Variants in CAST observed in about 807,000 individuals in gnomAD.
The protein encoded by CAST is MIR583 host.
Under a neutral mutation model 119.6 loss-of-function variants are expected in CAST, and 76 were observed. The ratio of observed to expected loss-of-function variants is 0.64; its 90% CI spans 0.53 to 0.77. The LOEUF is 0.77. Ranked by LOEUF, CAST falls within the 30% of genes least tolerant of loss-of-function variation. The pLI is 0.00. For synonymous variants in CAST, 319 were observed against 331.6 expected, an observed-to-expected ratio of 0.96 and a Z score of 0.41; for missense variants, 953 against 946.5, an observed-to-expected ratio of 1.01 and a Z score of -0.09.
chr5:96,393,193 A>C, the CAST span: 3 of 1,613,998 alleles, frequency 1.9e-6, no homozygotes, highest in African/African-American at 4.0e-5. Context: ...TGAGCTTTGC[A>C]CTTGGGGACT....
the CAST span, among the ~76,000 whole-genome samples, chr5:96,159,357 C>A: frequency 6.6e-6 from 1 of 152,150 alleles, no homozygotes; most frequent in East Asian, 1.9e-4. Context: ...GGTGACTCTC[C>A]TTAAAATGCT....
chr5:96,014,632 C>T, the CAST span, among the ~76,000 whole-genome samples: 1 of 152,064 alleles, frequency 6.6e-6, no homozygotes, highest in Non-Finnish European at 1.5e-5. Flanking sequence ...AGGAATTTTT[C>T]AACTTCATTA....
At chr5:96,078,915 A>T in the CAST span, among the ~76,000 whole-genome samples, 1 of 152,216 alleles carries the variant, frequency 6.6e-6, no homozygotes, top group African/African-American at 2.4e-5. Flanking sequence ...GAGGGAAACA[A>T]CACATACTGG....
chr5:96,459,900 C>T, the CAST span, among the ~76,000 whole-genome samples: 5 of 152,132 alleles, frequency 3.3e-5, no homozygotes, highest in Admixed American at 6.5e-5. Flanking sequence ...ATCTTCTGTA[C>T]AAACAGACGT....
At chr5:96,027,524 G>T in the CAST span, among the ~76,000 whole-genome samples, 1 of 151,734 alleles carries the variant, frequency 6.6e-6, no homozygotes, top group African/African-American at 2.4e-5. Context: ...TCAAAGATTG[G>T]AAAAAAACAG....
At chr5:96,744,669 T>A (rs1029095146) in intron 16 of CAST, among the ~76,000 whole-genome samples, 8 of 152,158 alleles carry the variant, frequency 5.3e-5, no homozygotes, top group Non-Finnish European at 1.0e-4. Flanking sequence ...TAACCTGAAT[T>A]CTTAGTACCC....
the CAST span, among the ~76,000 whole-genome samples, chr5:96,064,519 A>T: frequency 6.6e-6 from 1 of 152,172 alleles, no homozygotes; most frequent in Non-Finnish European, 1.5e-5. Flanking sequence ...TTTCATTTAA[A>T]TTGATAATTA....
the CAST span, among the ~76,000 whole-genome samples, chr5:96,237,147 C>T: frequency 6.6e-6 from 1 of 152,102 alleles, no homozygotes; most frequent in Non-Finnish European, 1.5e-5. Context: ...TAACAGAAAC[C>T]AAAATGGATT....
upstream of CAST, chr5:96,529,753 CGA>C (rs576767238): frequency 2.6e-5 from 11 of 428,026 alleles, no homozygotes; most frequent in Non-Finnish European, 4.6e-5. Flanking sequence ...TCAGTTCTCA[CGA>C]GATATAATGG....
the CAST span, among the ~76,000 whole-genome samples, chr5:96,357,221 G>A: frequency 6.6e-6 from 1 of 152,208 alleles, no homozygotes; most frequent in Non-Finnish European, 1.5e-5. Flanking sequence ...TCAGCGTAAG[G>A]AGATTTGGGG....
intron 9 of CAST, among the ~76,000 whole-genome samples, chr5:96,732,553 G>C (rs1016960908): frequency 6.7e-6 from 1 of 149,002 alleles, no homozygotes; most frequent in Non-Finnish European, 1.5e-5. Flanking sequence ...ATTGCTTTTG[G>C]TGTTTTGGAC....
chr5:96,209,727 T>G, the CAST span, among the ~76,000 whole-genome samples: 3 of 145,196 alleles, frequency 2.1e-5, no homozygotes, highest in Non-Finnish European at 3.0e-5. Context: ...AATTTCCCTT[T>G]GTAGGTGACC....
At chr5:96,267,002 C>T in the CAST span, among the ~76,000 whole-genome samples, 4 of 152,062 alleles carry the variant, frequency 2.6e-5, no homozygotes, top group Admixed American at 6.6e-5. Flanking sequence ...ACAGAGATAT[C>T]AGAACTGAGA....
the CAST span, among the ~76,000 whole-genome samples, chr5:96,469,638 G>A: frequency 2.6e-5 from 4 of 151,844 alleles, no homozygotes; most frequent in Admixed American, 6.6e-5. Flanking sequence ...TGCATTGAAA[G>A]AGAACTGTCA....
the CAST span, among the ~76,000 whole-genome samples, chr5:96,058,647 G>A: frequency 5.3e-5 from 8 of 152,032 alleles, no homozygotes; most frequent in African/African-American, 1.4e-4. Flanking sequence ...AATGGTTAAC[G>A]CTTTCACTGG....
the CAST span, among the ~76,000 whole-genome samples, chr5:96,076,961 A>G: frequency 6.6e-6 from 1 of 150,976 alleles, no homozygotes; most frequent in Non-Finnish European, 1.5e-5. Flanking sequence ...TAGATTTTAT[A>G]ATATTTATAA....
At chr5:96,754,038 A>G (rs765553479) in intron 20 of CAST, 22 bp from the exon 21 acceptor site, 5 of 1,418,856 alleles carry the variant, frequency 3.5e-6, no homozygotes, top group African/African-American at 1.4e-5. Context: ...CCTACTTAAT[A>G]TATCCACTAA....
intron 24 of CAST, chr5:96,761,749 TACC>T (rs1561604251): frequency 6.5e-6 from 1 of 153,784 alleles, no homozygotes; most frequent in Non-Finnish European, 1.5e-5. Context: ...TGACACCGTA[TACC>T]ACAATATACA....
At chr5:96,518,383 T>C in the CAST span, among the ~76,000 whole-genome samples, 1 of 152,212 alleles carries the variant, frequency 6.6e-6, no homozygotes, top group Non-Finnish European at 1.5e-5. Flanking sequence ...ATGGGATATC[T>C]GGGAGGGTGA....
Sources: allele counts gnomAD v4.1 joint callset (sites outside exome capture counted in the v4.1 genomes callset), GRCh38; gene constraint gnomAD v4.1.1; transcripts MANE v1.5; gene names NCBI Gene and HGNC (gene_info 2026-07-23, HGNC 2026-07-21).